PCDHGA2: variants seen among roughly 807,000 people sequenced by gnomAD.
The protein encoded by PCDHGA2 is protocadherin gamma-A2.
In PCDHGA2, 40 loss-of-function variants were observed where a neutral mutation model predicts 59.2. The observed-to-expected ratio is 0.68, with a 90% CI of 0.52 to 0.88. The LOEUF (loss-of-function observed/expected upper bound fraction) is 0.88. Among genes scored for constraint, PCDHGA2 ranks in the 40% least tolerant of loss-of-function variants. The pLI is 0.00. For synonymous variants in PCDHGA2, 560 were observed against 526.0 expected, an observed-to-expected ratio of 1.06 and a Z score of -0.89; for missense variants, 1,226 against 1,204.0, an observed-to-expected ratio of 1.02 and a Z score of -0.27.
chr5:141,374,223 A>G (rs761001587), intron 1 of PCDHGA2: 2 of 1,614,020 alleles, frequency 1.2e-6, no homozygotes, highest in South Asian at 2.2e-5. Flanking sequence ...TTCGTAGGCA[A>G]CATCGTCAAG....
chr5:141,364,513 G>T, intron 1 of PCDHGA2: 1 of 1,614,052 alleles, frequency 6.2e-7, no homozygotes, highest in Non-Finnish European at 8.5e-7. Context: ...AGCTGGCGGA[G>T]CGCGGAGTCC....
intron 1 of PCDHGA2, among the ~76,000 whole-genome samples, chr5:141,484,072 G>A (rs2099591675): frequency 6.6e-6 from 1 of 152,258 alleles, no homozygotes; most frequent in Admixed American, 6.5e-5. Flanking sequence ...TGAAAAGCTT[G>A]CTCTTTTGAA....
chr5:141,404,466 TCTCTATTAA>T, intron 1 of PCDHGA2: 5 of 1,613,558 alleles, frequency 3.1e-6, no homozygotes, highest in Non-Finnish European at 4.2e-6. Context: ...TCCACCTATG[TCTCTATTAA>T]CTCAGACACT....
intron 1 of PCDHGA2, among the ~76,000 whole-genome samples, chr5:141,457,187 G>A (rs1314148733): frequency 1.3e-5 from 2 of 152,210 alleles, no homozygotes; most frequent in Admixed American, 1.3e-4. Flanking sequence ...ATAGTAGAGT[G>A]AGGAAAGCAG....
chr5:141,509,157 C>T lies in PCDHGA2; in HGVS notation c.2573-1790C>T, dbSNP rs369133984. Among the ~76,000 whole-genome samples the T allele has an allele frequency of 2.6e-4, 40 of 152,314 alleles. No individual in the cohort carries two copies. In the South Asian group the frequency reaches 7.0e-3, roughly 27 times the overall value. On this transcript the variant is annotated intron_variant, in intron 3 of 3. Transcript: ENST00000394576. The stretch of plus-strand genomic sequence containing the variant: ...GAGGCGCATCCCGGCTCTCCCCTCC[C>T]GTGTGCCCTCCTCCTCTTATGCCGG...
intron 3 of PCDHGA2, among the ~76,000 whole-genome samples, chr5:141,509,049 C>G (rs1384134813): frequency 3.3e-5 from 5 of 152,150 alleles, no homozygotes; most frequent in Non-Finnish European, 5.9e-5. Context: ...TCCCCCGCCC[C>G]CAGAAAGCTC....
rs776374898 is a variant in PCDHGA2, at chr5:141,414,958, G to A, written c.2424+73563G>A. ...AGAGCCCGGCTACCTGGTGACCAAG[G>A]TGGTGGCGGTGGACAGAGACTCCGG... On this transcript the variant is annotated intron_variant, in intron 1 of 3. Coordinates refer to ENST00000394576, the MANE Select transcript of PCDHGA2 (RefSeq NM_018915.4). The A allele has an allele frequency of 3.7e-6, 6 of 1,614,024 alleles. No homozygotes were observed. The South Asian group carries it at 4.4e-5, about 12-fold the overall frequency.
chr5:141,403,263 T>A, intron 1 of PCDHGA2: 1 of 1,613,872 alleles, frequency 6.2e-7, no homozygotes, highest in East Asian at 2.2e-5. Flanking sequence ...CGGTGTCTGG[T>A]GAACTTTAAA....
At chr5:141,463,438 C>CTTTTTT (rs71576115) in intron 1 of PCDHGA2, among the ~76,000 whole-genome samples, 4 of 103,256 alleles carry the variant, frequency 3.9e-5, no homozygotes, top group African/African-American at 1.3e-4. Context: ...TTTCCTTCTC[C>CTTTTTT]TTTTTTTTTT....
At chr5:141,375,611 G>C (rs1049659012) in intron 1 of PCDHGA2, 3 of 1,614,060 alleles carry the variant, frequency 1.9e-6, no homozygotes, top group African/African-American at 1.3e-5. Context: ...CATCAACTCC[G>C]ACACTGGGAT....
chr5:141,366,847 A>G, intron 1 of PCDHGA2: 1 of 1,478,860 alleles, frequency 6.8e-7, no homozygotes. Context: ...TTATGTAAAT[A>G]GTGGAACATT....
At chr5:141,344,204 G>A in intron 1 of PCDHGA2, 1 of 1,614,036 alleles carries the variant, frequency 6.2e-7, no homozygotes, top group East Asian at 2.2e-5. Context: ...TAGAGCCCCG[G>A]GAGCTGGCGG....
At chr5:141,353,305 G>A (rs1033054444) in intron 1 of PCDHGA2, among the ~76,000 whole-genome samples, 2 of 152,084 alleles carry the variant, frequency 1.3e-5, no homozygotes, top group African/African-American at 4.8e-5. Flanking sequence ...CTTTATAAAT[G>A]TATTTAGAGT....
At chr5:141,354,049 T>A (rs1339397353) in intron 1 of PCDHGA2, among the ~76,000 whole-genome samples, 1 of 152,250 alleles carries the variant, frequency 6.6e-6, no homozygotes, top group Non-Finnish European at 1.5e-5. Flanking sequence ...GCACATGCAA[T>A]GATAATCCAT....
intron 1 of PCDHGA2, chr5:141,398,512 C>G: frequency 1.3e-6 from 2 of 1,588,756 alleles, no homozygotes; most frequent in Non-Finnish European, 1.7e-6. Context: ...CATTAATGAC[C>G]ACACGCCAAA....
chr5:141,346,428 G>A lies in PCDHGA2; in HGVS notation c.2424+5033G>A, dbSNP rs1173251746. The stretch of plus-strand genomic sequence containing the variant: ...TCTTCTGATAACTCAGGATTTACTT[G>A]AAATGAAAGGAGATTCCAACCTACT... On this transcript the variant is annotated intron_variant, in intron 1 of 3. Coordinates refer to ENST00000394576, the MANE Select transcript of PCDHGA2 (RefSeq NM_018915.4). 1 of 1,614,218 alleles carries A rather than the reference G, an allele frequency of 6.2e-7. No homozygotes were observed. The highest frequency in any genetic ancestry group is 8.5e-7 in the Non-Finnish European group (1 of 1,180,042).
At chr5:141,423,800 T>A in intron 1 of PCDHGA2, 2 of 895,132 alleles carry the variant, frequency 2.2e-6, no homozygotes, top group Non-Finnish European at 2.9e-6. Flanking sequence ...TTTAGAGCAA[T>A]ACATGTGAGT....
intron 1 of PCDHGA2, among the ~76,000 whole-genome samples, chr5:141,438,633 T>C (rs1222106413): frequency 2.9e-5 from 1 of 34,046 alleles, no homozygotes; most frequent in Non-Finnish European, 5.1e-5. Context: ...TATATATATA[T>C]ATACACACAC....
intron 1 of PCDHGA2, chr5:141,408,072 T>G (rs1047187961): frequency 1.7e-5 from 24 of 1,388,622 alleles, no homozygotes; most frequent in Middle Eastern, 2.6e-4. Flanking sequence ...CGCAGACCTT[T>G]CCCAGCACAG....
Sources: gnomAD v4.1 joint callset for allele counts (sites outside exome capture counted in the v4.1 genomes callset) on GRCh38, gnomAD v4.1.1 for gene constraint, MANE v1.5 for transcripts, NCBI Gene and HGNC (gene_info 2026-07-23, HGNC 2026-07-21) for gene names.